Variants in SLC22A23 observed in about 807,000 individuals in gnomAD.
The protein encoded by SLC22A23 is ion transporter protein.
In SLC22A23, 26 loss-of-function variants were observed where a neutral mutation model predicts 61.0. That is an observed-to-expected ratio of 0.43 (90% CI 0.31 to 0.59). The LOEUF (loss-of-function observed/expected upper bound fraction) is 0.59, where lower values mean the gene tolerates loss of function less well. Among genes scored for constraint, SLC22A23 ranks in the 20% least tolerant of loss-of-function variants. SLC22A23 has a pLI of 0.11. For missense variants in SLC22A23, 796 were observed against 934.7 expected, an observed-to-expected ratio of 0.85 and a Z score of 1.94; for synonymous variants, 430 against 413.9, an observed-to-expected ratio of 1.04 and a Z score of -0.47.
At chr6:3,370,441 C>T (rs62391760) in intron 3 of SLC22A23, among the ~76,000 whole-genome samples, 3 of 152,274 alleles carry the variant, frequency 2.0e-5, no homozygotes, top group African/African-American at 2.4e-5. Flanking sequence ...GTGTCGAAAG[C>T]AAGGCTCACT....
chr6:3,358,675 T>C (rs890716582), intron 3 of SLC22A23, among the ~76,000 whole-genome samples: 1 of 152,210 alleles, frequency 6.6e-6, no homozygotes, highest in African/African-American at 2.4e-5. Flanking sequence ...TAGTTCACGA[T>C]ACTGTGCTGT....
chr6:3,309,077 A>G lies in SLC22A23; in HGVS notation c.1083-10859T>C, dbSNP rs551446767. Among the ~76,000 whole-genome samples the G allele has an allele frequency of 6.6e-6, 1 of 150,902 alleles. No homozygotes were observed. The highest frequency in any genetic ancestry group is 1.5e-5 in the Non-Finnish European group (1 of 67,760). On this transcript the variant is annotated intron_variant, in intron 4 of 9. Coordinates refer to ENST00000406686, the MANE Select transcript of SLC22A23 (RefSeq NM_015482.2). The surrounding 1 kb of genome is among the most constrained non-coding windows in gnomAD (Gnocchi z 4.7). ...CGCTTTGGGAGGCTGAGGTGGGTGG[A>G]TCATTTGAGGTCAGGAGTTTGAGAC...
At position 3,384,343 on chromosome 6, in the gene SLC22A23, A is replaced by C. The variant is rs569533353; in HGVS notation, c.913+25845T>G. Among the ~76,000 whole-genome samples the C allele has an allele frequency of 3.3e-5, 5 of 152,392 alleles. No individual in the cohort carries two copies. The South Asian group carries it at 1.0e-3, about 32-fold the overall frequency. On this transcript the variant is annotated intron_variant, in intron 3 of 9. Coordinates refer to ENST00000406686, the MANE Select transcript of SLC22A23 (RefSeq NM_015482.2). ...CATGTTAAATAAGCATTTCTGTCTA[A>C]GAATGTTTCTTAATCCTTTAAAAGT...
At chr6:3,436,261 G>A (rs560505902) in intron 1 of SLC22A23, among the ~76,000 whole-genome samples, 51 of 151,972 alleles carry the variant, frequency 3.4e-4, no homozygotes, top group African/African-American at 8.4e-4. Flanking sequence ...TCAGCCTCCC[G>A]GGTAGCTGGG....
chr6:3,344,451 A>G (rs1428475993), intron 3 of SLC22A23, among the ~76,000 whole-genome samples: 2 of 152,132 alleles, frequency 1.3e-5, no homozygotes, highest in South Asian at 2.1e-4. Flanking sequence ...CCCTTTGATG[A>G]GTCTAAAGGG....
At position 3,410,713 on chromosome 6, in the gene SLC22A23, T is replaced by C. The variant is rs1337442244; in HGVS notation, c.759-371A>G. 1.3e-5 allele frequency among the ~76,000 whole-genome samples: 2 copies of C among 152,138 alleles called. No individual in the cohort carries two copies. Among genetic ancestry groups the C allele is most frequent in the African/African-American group, 4.8e-5 (2 of 41,418 alleles). ...TTGATACACCCAGCATAAAAAGTCT[T>C]GAGAAATCGTTGACCTTTGGGATTG... On this transcript the variant is annotated intron_variant, in intron 2 of 9. Coordinates refer to ENST00000406686, the MANE Select transcript of SLC22A23 (RefSeq NM_015482.2). This position sits in a 1 kb window ranked among gnomAD's most constrained non-coding sequence, Gnocchi z 5.0.
At chr6:3,418,928 G>A (rs998655485) in intron 1 of SLC22A23, among the ~76,000 whole-genome samples, 6 of 152,180 alleles carry the variant, frequency 3.9e-5, no homozygotes, top group African/African-American at 9.7e-5. Context: ...ACAAAAATGT[G>A]TCGGGAAAAG....
In SLC22A23 at chr6:3,386,112, T is replaced by C. The variant is rs1767288142; in HGVS notation, c.913+24076A>G. Among the ~76,000 whole-genome samples the C allele has an allele frequency of 2.0e-5, 3 of 152,152 alleles. No homozygotes were observed. Among genetic ancestry groups the C allele is most frequent in the Admixed American group, 2.0e-4 (3 of 15,284 alleles). The stretch of plus-strand genomic sequence containing the variant: ...ACTGATGAGGGGACTTCAATCGGCT[T>C]GAAGAACTCACACCTTTCCACACCC... On this transcript the variant is annotated intron_variant, in intron 3 of 9. Coordinates refer to ENST00000406686, the MANE Select transcript of SLC22A23 (RefSeq NM_015482.2). The surrounding 1 kb of genome is among the most constrained non-coding windows in gnomAD (Gnocchi z 4.4).
Position 3,324,052 on chromosome 6 carries a change from C to G in SLC22A23, c.914-50G>C, listed in dbSNP as rs764163462. 20 of 1,594,720 alleles carry G rather than the reference C, an allele frequency of 1.3e-5. No homozygotes were observed. The highest frequency in any genetic ancestry group is 1.7e-4 in the Middle Eastern group (1 of 6,010). On this transcript the variant is annotated intron_variant, in intron 3 of 9. Transcript: ENST00000406686. The surrounding 1 kb of genome is among the most constrained non-coding windows in gnomAD (Gnocchi z 4.3). ...GAGATGAGTGCCCTGCTCGACAGCC[C>G]GAGAAGTCCTGGGTGCACCTGGGCC...
At chr6:3,413,324 C>T (rs1030368215) in intron 2 of SLC22A23, among the ~76,000 whole-genome samples, 18 of 152,196 alleles carry the variant, frequency 1.2e-4, no homozygotes, top group Admixed American at 6.5e-4. Context: ...GCAAGCTGGG[C>T]ATACAAGTGC....
intron 6 of SLC22A23, among the ~76,000 whole-genome samples, chr6:3,288,493 G>C (rs925743620): frequency 1.2e-4 from 18 of 152,212 alleles, no homozygotes; most frequent in Non-Finnish European, 2.5e-4. Flanking sequence ...TTAGCCTCCA[G>C]AGTTCCTCTT....
intron 1 of SLC22A23, among the ~76,000 whole-genome samples, chr6:3,441,312 A>G (rs990008790): frequency 2.6e-5 from 4 of 152,094 alleles, no homozygotes; most frequent in African/African-American, 9.7e-5. Context: ...AAGTCCTAAA[A>G]TCTCGTTCTT....
chr6:3,456,506 C>T lies in SLC22A23; in HGVS notation c.54G>A (p.Pro18=). 1.4e-5 allele frequency: 14 copies of T among 1,035,654 alleles called. No homozygotes were observed. The highest frequency in any genetic ancestry group is 1.6e-5 in the Non-Finnish European group (14 of 864,834). The allele number at this position is 1,035,654 out of a possible 1,614,324, so 64.2% of individuals were successfully genotyped here. ...EAAGGGPGRQ[P]APAEENGSLP... The stretch of plus-strand genomic sequence containing the variant: ...GGGAGCCGTTCTCCTCGGCCGGGGC[C>T]GGCTGCCGCCCAGGCCCGCCGCCCG... The change falls in exon 1 of 10, where the codon CCG becomes CCA. Residue 18 remains proline, a synonymous_variant. Transcript: ENST00000406686. This position sits in a 1 kb window ranked among gnomAD's most constrained non-coding sequence, Gnocchi z 7.1.
rs1426510270 is a variant in SLC22A23, at chr6:3,309,728, G to C, written c.1083-11510C>G. 2.6e-5 allele frequency among the ~76,000 whole-genome samples: 4 copies of C among 152,230 alleles called. No individual in the cohort carries two copies. Among genetic ancestry groups the C allele is most frequent in the Admixed American group, 6.5e-5 (1 of 15,282 alleles). On this transcript the variant is annotated intron_variant, in intron 4 of 9. Transcript: ENST00000406686. The surrounding 1 kb of genome is among the most constrained non-coding windows in gnomAD (Gnocchi z 4.7). ...TGAAGGGTTACACCACGGTCACACAGAAGTACCTGCTGCCACAGGGATGGC... is the reference window on the plus strand; with the variant it reads ...TGAAGGGTTACACCACGGTCACACACAAGTACCTGCTGCCACAGGGATGGC...
chr6:3,448,640 C>T (rs1341816830), intron 1 of SLC22A23, among the ~76,000 whole-genome samples: 1 of 152,082 alleles, frequency 6.6e-6, no homozygotes, highest in African/African-American at 2.4e-5. Flanking sequence ...ACTACAGGCG[C>T]CCGCCACCAC....
At chr6:3,438,834 G>C (rs1771394688) in intron 1 of SLC22A23, among the ~76,000 whole-genome samples, 1 of 152,180 alleles carries the variant, frequency 6.6e-6, no homozygotes, top group South Asian at 2.1e-4. Context: ...TCCATAACGA[G>C]CTCAGCAAAC....
chr6:3,453,487 A>G (rs751425838), intron 1 of SLC22A23, among the ~76,000 whole-genome samples: 3 of 152,154 alleles, frequency 2.0e-5, no homozygotes, highest in Non-Finnish European at 4.4e-5. Flanking sequence ...CCTTTTAACT[A>G]CAATAACCTG....
At chr6:3,306,448 C>A (rs756532245) in intron 4 of SLC22A23, among the ~76,000 whole-genome samples, 9 of 152,206 alleles carry the variant, frequency 5.9e-5, no homozygotes, top group Non-Finnish European at 1.3e-4. Context: ...GTATTTAATT[C>A]TTTACTATGT....
Position 3,410,973 on chromosome 6 carries a change from C to G in SLC22A23, c.759-631G>C, listed in dbSNP as rs914098878. 1.8e-4 allele frequency among the ~76,000 whole-genome samples: 27 copies of G among 152,218 alleles called. No individual in the cohort carries two copies. The highest frequency in any genetic ancestry group is 6.0e-4 in the African/African-American group (25 of 41,456). ...ATAGTGAGCTGACAGTGCAGCCCCTCGGCTGGACTGAGAGGCAGGGAGCCC... is the reference window on the plus strand; with the variant it reads ...ATAGTGAGCTGACAGTGCAGCCCCTGGGCTGGACTGAGAGGCAGGGAGCCC... On this transcript the variant is annotated intron_variant, in intron 2 of 9. Coordinates refer to ENST00000406686, the MANE Select transcript of SLC22A23 (RefSeq NM_015482.2). This position sits in a 1 kb window ranked among gnomAD's most constrained non-coding sequence, Gnocchi z 5.0.
Sources: gnomAD v4.1 joint callset for allele counts (sites outside exome capture counted in the v4.1 genomes callset) on GRCh38, gnomAD v4.1.1 for gene constraint, Gnocchi (gnomAD v3.1) non-coding constraint, MANE v1.5 for transcripts, NCBI Gene and HGNC (gene_info 2026-07-23, HGNC 2026-07-21) for gene names.